TRAPPC9: variants seen among roughly 807,000 people sequenced by gnomAD.
The protein encoded by TRAPPC9 is trafficking protein particle complex subunit 9, also known as IKK2 binding protein.
Under a neutral mutation model 124.0 loss-of-function variants are expected in TRAPPC9, and 83 were observed. That is an observed-to-expected ratio of 0.67 (90% CI 0.56 to 0.80). TRAPPC9 has a LOEUF of 0.80. TRAPPC9 is among the 30% of genes least tolerant of loss of function. TRAPPC9 has a pLI of 0.00. For missense variants in TRAPPC9, 1,302 were observed against 1,508.3 expected (o/e 0.86, Z 2.27); for synonymous variants, 638 against 617.5 (o/e 1.03, Z -0.49).
chr8:140,451,999 T>A (rs1012824971), intron 1 of TRAPPC9, among the ~76,000 whole-genome samples: 2 of 151,604 alleles, frequency 1.3e-5, no homozygotes, highest in Admixed American at 6.6e-5. Flanking sequence ...CACGTGCCTG[T>A]AATCCCAGTT....
chr8:139,963,686 T>A (rs1280027659), intron 19 of TRAPPC9, among the ~76,000 whole-genome samples: 3 of 144,402 alleles, frequency 2.1e-5, no homozygotes, highest in Admixed American at 7.2e-5. Flanking sequence ...ATTTGATAGA[T>A]GTAACACAGG....
chr8:140,231,504 T>C (rs1467006711), intron 16 of TRAPPC9, among the ~76,000 whole-genome samples: 1 of 134,896 alleles, frequency 7.4e-6, no homozygotes, highest in Admixed American at 7.5e-5. Flanking sequence ...TTTTTTTTTT[T>C]TTTTTTGAGA....
intron 18 of TRAPPC9, among the ~76,000 whole-genome samples, chr8:140,000,874 A>G (rs1838344444): frequency 6.6e-6 from 1 of 152,242 alleles, no homozygotes; most frequent in Non-Finnish European, 1.5e-5. Context: ...CAGCGATCCC[A>G]TTACTGGGTA....
chr8:140,056,260 A>T (rs1231493587), intron 17 of TRAPPC9, among the ~76,000 whole-genome samples: 2 of 151,810 alleles, frequency 1.3e-5, no homozygotes, highest in Non-Finnish European at 2.9e-5. Context: ...AGAAAAAAAA[A>T]ATTGCCAGGT....
At chr8:139,786,436 G>A (rs1822256411) in intron 21 of TRAPPC9, among the ~76,000 whole-genome samples, 1 of 151,992 alleles carries the variant, frequency 6.6e-6, no homozygotes, top group African/African-American at 2.4e-5. Context: ...CGGAGGAACT[G>A]GAACTCTCGT....
intron 19 of TRAPPC9, among the ~76,000 whole-genome samples, chr8:139,944,355 T>C (rs1398870480): frequency 6.6e-6 from 1 of 152,218 alleles, no homozygotes; most frequent in African/African-American, 2.4e-5. Flanking sequence ...TTATTTTAAA[T>C]ACAGATGACT....
At chr8:140,088,134 G>A (rs1449858813) in intron 17 of TRAPPC9, among the ~76,000 whole-genome samples, 2 of 151,956 alleles carry the variant, frequency 1.3e-5, no homozygotes, top group Non-Finnish European at 2.9e-5. Flanking sequence ...ATTTCTTCCT[G>A]GAACTGGCAC....
At chr8:140,287,460 T>A in intron 13 of TRAPPC9, 148 bp downstream of exon 13, 1 of 1,164,964 alleles carries the variant, frequency 8.6e-7, no homozygotes, top group Non-Finnish European at 1.3e-6. Context: ...GAACAGGTTT[T>A]TTTCATGCTT....
At chr8:140,163,549 G>A (rs1362157189) in intron 17 of TRAPPC9, among the ~76,000 whole-genome samples, 2 of 152,224 alleles carry the variant, frequency 1.3e-5, no homozygotes, top group African/African-American at 2.4e-5. Context: ...TGACTTTGGT[G>A]GGAAACGGAG....
At chr8:139,978,976 G>C (rs879788412) in intron 19 of TRAPPC9, among the ~76,000 whole-genome samples, 1 of 152,142 alleles carries the variant, frequency 6.6e-6, no homozygotes, top group Non-Finnish European at 1.5e-5. Flanking sequence ...CTTCACAGGA[G>C]AGATGTGTGT....
At chr8:139,963,041 T>C (rs1334417432) in intron 19 of TRAPPC9, among the ~76,000 whole-genome samples, 2 of 152,236 alleles carry the variant, frequency 1.3e-5, no homozygotes. Flanking sequence ...AAGCTTGTGA[T>C]AATTTGTTAC....
intron 15 of TRAPPC9, among the ~76,000 whole-genome samples, chr8:140,262,122 C>G (rs985662038): frequency 6.6e-6 from 1 of 152,154 alleles, no homozygotes; most frequent in African/African-American, 2.4e-5. Flanking sequence ...AGCCAGGATT[C>G]AACACTCTGC....
At chr8:140,393,398 T>C (rs1384472317) in intron 7 of TRAPPC9, among the ~76,000 whole-genome samples, 1 of 152,182 alleles carries the variant, frequency 6.6e-6, no homozygotes, top group Non-Finnish European at 1.5e-5. Flanking sequence ...AAAATCCACA[T>C]GTCCAACCCA....
At chr8:140,195,425 T>TA (rs2062625990) in intron 17 of TRAPPC9, among the ~76,000 whole-genome samples, 1 of 151,428 alleles carries the variant, frequency 6.6e-6, no homozygotes, top group Admixed American at 6.6e-5. Flanking sequence ...TCTGTGACAC[T>TA]AAAAAACACT....
At chr8:140,045,494 G>A (rs992636209) in intron 17 of TRAPPC9, among the ~76,000 whole-genome samples, 13 of 151,910 alleles carry the variant, frequency 8.6e-5, no homozygotes, top group Non-Finnish European at 1.8e-4. Context: ...GGGTGTGGCG[G>A]CACGCACCTG....
intron 19 of TRAPPC9, among the ~76,000 whole-genome samples, chr8:139,954,529 C>CA (rs1834857477): frequency 6.6e-6 from 1 of 152,170 alleles, no homozygotes. Flanking sequence ...TTAAGCCACC[C>CA]ACCCAGTCTG....
intron 19 of TRAPPC9, among the ~76,000 whole-genome samples, chr8:139,944,455 C>T (rs1392821833): frequency 6.6e-6 from 1 of 152,134 alleles, no homozygotes; most frequent in African/African-American, 2.4e-5. Flanking sequence ...AGGGCTTAGA[C>T]ACAGGAACCG....
intron 21 of TRAPPC9, among the ~76,000 whole-genome samples, chr8:139,743,634 G>T (rs548332239): frequency 1.4e-4 from 22 of 152,180 alleles, no homozygotes; most frequent in Non-Finnish European, 3.1e-4. Context: ...CTCTTTAGAT[G>T]AAGCAAAATA....
intron 17 of TRAPPC9, among the ~76,000 whole-genome samples, chr8:140,140,852 T>C (rs1234462225): frequency 6.6e-6 from 1 of 152,172 alleles, no homozygotes; most frequent in Non-Finnish European, 1.5e-5. Flanking sequence ...TTATTTCTGC[T>C]ACAATCACCA....
Sources: gnomAD v4.1 joint callset for allele counts (sites outside exome capture counted in the v4.1 genomes callset) on GRCh38, gnomAD v4.1.1 for gene constraint, MANE v1.5 for transcripts, NCBI Gene and HGNC (gene_info 2026-07-23, HGNC 2026-07-21) for gene names.